The following ZNF502 variants were observed in gnomAD, a reference collection of about 807,000 sequenced individuals.
ZNF502 encodes the protein zinc finger protein 502.
A neutral mutation model predicts 43.6 loss-of-function variants in ZNF502; 29 were observed. That is an observed-to-expected ratio of 0.67 (90% CI 0.50 to 0.91). The LOEUF (loss-of-function observed/expected upper bound fraction) is 0.91. Ranked by LOEUF, ZNF502 falls within the 40% of genes least tolerant of loss-of-function variation. ZNF502 has a pLI of 0.00. For missense variants in ZNF502, 591 were observed against 647.2 expected (o/e 0.91, Z 0.94); for synonymous variants, 171 against 207.4 (o/e 0.82, Z 1.51).
chr3:44,720,826 T>G (rs924504748), intron 2 of ZNF502, 47 bp from the exon 3 acceptor site: 5 of 1,540,518 alleles, frequency 3.2e-6, no homozygotes, highest in Admixed American at 2.1e-5. Context: ...TCAGGGGCCT[T>G]CACTCTGCCC....
rs767859143 is a variant in ZNF502 at position 44,721,769 on chromosome 3, A to G, written c.952A>G (p.Thr318Ala). ...SNLTQHQRIHTGEKPHKCDEC... is the reference protein window; with the variant it reads ...SNLTQHQRIHAGEKPHKCDEC... ...TCTTACGCAACATCAGAGAATTCAC[A>G]CTGGGGAAAAACCCCATAAATGTGA... is the stretch of plus-strand genomic sequence containing the variant. Residue 318 changes from threonine to alanine, a missense_variant, in exon 3 of 3, where the codon ACT becomes GCT. Physicochemically the swap from Thr to Ala is moderately conservative, Grantham distance 58. Coordinates refer to ENST00000436624, the MANE Select transcript of ZNF502 (RefSeq NM_001134442.3). 7.4e-6 allele frequency: 12 copies of G among 1,613,652 alleles called. No homozygotes were observed. The East Asian group carries it at 1.3e-4, about 18-fold the overall frequency.
chr3:44,720,252 C>G lies in ZNF502; in HGVS notation c.-10C>G. ...GTGTTTTCCAATCAAAGCGAAGAGA[C>G]GATCTGTGGATGTTGAATATGCAAG... On this transcript the variant is annotated 5_prime_UTR_variant, in exon 2 of 3. Transcript: ENST00000436624. The G allele has an allele frequency of 6.2e-7, 1 of 1,613,980 alleles. No individual in the cohort carries two copies. Among genetic ancestry groups the G allele is most frequent in the Non-Finnish European group, 8.5e-7 (1 of 1,179,932 alleles).
chr3:44,716,079 A>T (rs904965291), intron 1 of ZNF502, among the ~76,000 whole-genome samples: 6 of 152,138 alleles, frequency 3.9e-5, no homozygotes, highest in African/African-American at 1.2e-4. Flanking sequence ...TGTACATTTC[A>T]GGGGATATTT....
At position 44,722,445 on chromosome 3, in the gene ZNF502, G is replaced by C; in HGVS notation, c.1628G>C (p.Gly543Ala). ...TTCAGACATCAGAAACTTCACAGTGGTGACTAATGCTGCCATTTAGGTTAT... is the reference window on the plus strand; with the variant it reads ...TTCAGACATCAGAAACTTCACAGTGCTGACTAATGCTGCCATTTAGGTTAT... ...VLFRHQKLHS[G>A]D The change falls in exon 3 of 3, where the codon GGT (glycine) becomes GCT (alanine). Residue 543 changes from glycine (G) to alanine (A), a missense_variant. Gly to Ala is a moderately conservative substitution (Grantham distance 60). Coordinates refer to ENST00000436624, the MANE Select transcript of ZNF502 (RefSeq NM_001134442.3). 6.2e-7 allele frequency: 1 copy of C among 1,609,070 alleles called. No homozygotes were observed. Among genetic ancestry groups the C allele is most frequent in the South Asian group, 1.1e-5 (1 of 90,722 alleles).
chr3:44,714,295 T>C (rs555499501), intron 1 of ZNF502, among the ~76,000 whole-genome samples: 1 of 152,324 alleles, frequency 6.6e-6, no homozygotes, highest in South Asian at 2.1e-4. Flanking sequence ...GAGGGATCTT[T>C]TTAGCATCTT....
At chr3:44,716,988 T>C (rs1157745355) in intron 1 of ZNF502, among the ~76,000 whole-genome samples, 1 of 152,184 alleles carries the variant, frequency 6.6e-6, no homozygotes, top group Admixed American at 6.5e-5. Flanking sequence ...TTAAAGCTTG[T>C]TTTTCTTCAT....
chr3:44,717,269 T>C (rs904950580), intron 1 of ZNF502, among the ~76,000 whole-genome samples: 4 of 152,224 alleles, frequency 2.6e-5, no homozygotes, highest in Non-Finnish European at 4.4e-5. Context: ...TTTTTGTGAT[T>C]AGAAATGCTG....
intron 1 of ZNF502, among the ~76,000 whole-genome samples, chr3:44,717,438 T>A (rs1283239183): frequency 1.4e-5 from 2 of 141,472 alleles, no homozygotes; most frequent in Non-Finnish European, 3.1e-5. Flanking sequence ...TGAGATGGAG[T>A]TTCGCTCTTG....
chr3:44,720,045 G>A (rs1559499930), intron 1 of ZNF502, among the ~76,000 whole-genome samples, 158 bp from the exon 2 acceptor site: 7 of 152,220 alleles, frequency 4.6e-5, no homozygotes. Context: ...GAGGCTACAA[G>A]CCAATGCTGA....
Position 44,722,498 on chromosome 3 carries a change from G to A in ZNF502, c.*46G>A, listed in dbSNP as rs1217809332. 6 of 1,555,990 alleles carry A rather than the reference G, an allele frequency of 3.9e-6. No individual in the cohort carries two copies. The highest frequency in any genetic ancestry group is 2.2e-5 in the East Asian group (1 of 44,500). ...CAGTTTCTCTAGCGAGGATGACTAC[G>A]AATCTGACTGGGAGTAGAGGGGCAG... On this transcript the variant is annotated 3_prime_UTR_variant, in exon 3 of 3. Coordinates refer to ENST00000436624, the MANE Select transcript of ZNF502 (RefSeq NM_001134442.3).
intron 1 of ZNF502, 30 bp downstream of exon 1, chr3:44,712,770 A>G (rs1296957349): frequency 6.6e-6 from 1 of 152,352 alleles, no homozygotes; most frequent in African/African-American, 2.4e-5. Context: ...GGGAGGGGAA[A>G]AGAGAGGACC....
Position 44,722,161 on chromosome 3 carries a change from C to G in ZNF502, c.1344C>G (p.Thr448=). 2 of 1,614,108 alleles carry G rather than the reference C, an allele frequency of 1.2e-6. No individual in the cohort carries two copies. Among genetic ancestry groups the G allele is most frequent in the Non-Finnish European group, 1.7e-6 (2 of 1,180,016 alleles). ...GTGGAAAGGGCTTTAATCAGAACAC[C>G]TGCCTCACTCAGCATATGAGAATTC... ...NECGKGFNQN[T]CLTQHMRIHT... The change falls in exon 3 of 3, where the codon ACC becomes ACG. Residue 448 remains threonine (T), a synonymous_variant. Transcript: ENST00000436624.
intron 1 of ZNF502, among the ~76,000 whole-genome samples, chr3:44,716,361 G>A (rs1018220680): frequency 6.6e-6 from 1 of 151,682 alleles, no homozygotes; most frequent in Non-Finnish European, 1.5e-5. Context: ...CTAATTTTTT[G>A]TATTTTTTAG....
chr3:44,720,822 G>T, intron 2 of ZNF502, 51 bp from the exon 3 acceptor site: 2 of 1,537,378 alleles, frequency 1.3e-6, no homozygotes, highest in Non-Finnish European at 1.7e-6. Flanking sequence ...AGTTTCAGGG[G>T]CCTTCACTCT....
At position 44,722,774 on chromosome 3, in the gene ZNF502, A is replaced by G. The variant is rs964899877; in HGVS notation, c.*322A>G. ...TTCACTTTACTACATCCTGCCCCAC[A>G]TTCTGACTTGTCACCCATTTTCGTT... On this transcript the variant is annotated 3_prime_UTR_variant, in exon 3 of 3. Coordinates refer to ENST00000436624, the MANE Select transcript of ZNF502 (RefSeq NM_001134442.3). 2.1e-5 allele frequency: 5 copies of G among 242,728 alleles called. No individual in the cohort carries two copies. In the East Asian group the frequency reaches 3.7e-4, roughly 18 times the overall value. 15.0% of individuals were successfully genotyped at this position (242,728 alleles called of 1,614,324 possible). A position where few individuals can be genotyped will look rare whatever the true frequency, so the allele number is the denominator to read the frequency against.
chr3:44,720,315 A>C lies in ZNF502; in HGVS notation c.54A>C (p.Pro18=), dbSNP rs780660713. ...EERDIRRETC[P]GWVNKNKPAL... ...GAGACATTAGAAGAGAGACTTGTCC[A>C]GGTGAGTGAGCAAGGGACAAGCAGT... Residue 18 remains proline, a splice_region_variant and synonymous_variant, in exon 2 of 3, where the codon CCA becomes CCC. Transcript: ENST00000436624. 2.5e-6 allele frequency: 4 copies of C among 1,614,056 alleles called. No homozygotes were observed. Among genetic ancestry groups the C allele is most frequent in the Non-Finnish European group, 1.7e-6 (2 of 1,179,952 alleles).
chr3:44,713,680 A>C (rs973586933), intron 1 of ZNF502, among the ~76,000 whole-genome samples: 23 of 151,928 alleles, frequency 1.5e-4, no homozygotes, highest in African/African-American at 2.4e-5. Context: ...TCCCGGGTTC[A>C]AGCGATTCTC....
Position 44,721,788 on chromosome 3 carries a change from A to G in ZNF502, c.971A>G (p.Lys324Arg), listed in dbSNP as rs1458824373. 5.0e-6 allele frequency: 8 copies of G among 1,613,990 alleles called. No individual in the cohort carries two copies. In the South Asian group the frequency reaches 8.8e-5, roughly 18 times the overall value. Reference sequence around the variant, plus strand: ...ATTCACACTGGGGAAAAACCCCATAAATGTGACGAATGTGGGAAAACTTTC... The same window carrying G: ...ATTCACACTGGGGAAAAACCCCATAGATGTGACGAATGTGGGAAAACTTTC... ...QRIHTGEKPHKCDECGKTFQT... is the reference protein window; with the variant it reads ...QRIHTGEKPHRCDECGKTFQT... The change falls in exon 3 of 3, where the codon AAA (lysine) becomes AGA (arginine). Residue 324 changes from lysine (K) to arginine (R), a missense_variant. Physicochemically the swap from Lys to Arg is conservative, Grantham distance 26 (BLOSUM62 2). Transcript: ENST00000436624.
rs1317638620 is a variant in ZNF502, at chr3:44,722,181, G to C, written c.1364G>C (p.Arg455Thr). The change falls in exon 3 of 3, where the codon AGA (arginine) becomes ACA (threonine). Residue 455 changes from arginine (R) to threonine (T), a missense_variant. Coordinates refer to ENST00000436624, the MANE Select transcript of ZNF502 (RefSeq NM_001134442.3). The stretch of plus-strand genomic sequence containing the variant: ...AACACCTGCCTCACTCAGCATATGA[G>C]AATTCATACTGGAGAGAAGCCCTAT... Reference protein sequence around the residue: ...NQNTCLTQHMRIHTGEKPYKC... With the variant: ...NQNTCLTQHMTIHTGEKPYKC... 1.2e-6 allele frequency: 2 copies of C among 1,614,206 alleles called. No individual in the cohort carries two copies. The highest frequency in any genetic ancestry group is 1.7e-6 in the Non-Finnish European group (2 of 1,180,040).
Sources: allele counts gnomAD v4.1 joint callset (sites outside exome capture counted in the v4.1 genomes callset), GRCh38; gene constraint gnomAD v4.1.1; transcripts MANE v1.5; gene names NCBI Gene and HGNC (gene_info 2026-07-23, HGNC 2026-07-21).